Variants in GPR139 observed in about 807,000 individuals in gnomAD.
GPR139 encodes probable G protein-coupled receptor 139.
In GPR139, 12 loss-of-function variants were observed where a neutral mutation model predicts 25.8. That is an observed-to-expected ratio of 0.47 (90% CI 0.30 to 0.75). The LOEUF (loss-of-function observed/expected upper bound fraction) is 0.75, where lower values mean the gene tolerates loss of function less well. Among genes scored for constraint, GPR139 ranks in the 30% least tolerant of loss-of-function variants. The pLI is 0.07. For missense variants in GPR139, 380 were observed against 450.2 expected (o/e 0.84, Z 1.41); for synonymous variants, 184 against 179.9 (o/e 1.02, Z -0.18).
intron 1 of GPR139, among the ~76,000 whole-genome samples, chr16:20,041,782 C>T (rs902101724): frequency 6.6e-6 from 1 of 152,160 alleles, no homozygotes; most frequent in Non-Finnish European, 1.5e-5. Flanking sequence ...CCTCTTGCCC[C>T]AAGGCAGAAA....
At chr16:20,033,538 G>A (rs1258242840) in intron 1 of GPR139, among the ~76,000 whole-genome samples, 5 of 152,114 alleles carry the variant, frequency 3.3e-5, no homozygotes, top group Admixed American at 1.3e-4. Context: ...GGAAAGAGAC[G>A]GGACTATATA....
At chr16:20,068,700 A>G (rs1380769348) in intron 1 of GPR139, among the ~76,000 whole-genome samples, 1 of 152,320 alleles carries the variant, frequency 6.6e-6, no homozygotes, top group East Asian at 1.9e-4. Context: ...GATCTTAGGG[A>G]AAAAGCATTC....
Position 20,070,978 on chromosome 16 carries a change from A to C in GPR139, c.127+2512T>G, listed in dbSNP as rs1469528688. On this transcript the variant is annotated intron_variant, in intron 1 of 1. Transcript: ENST00000570682. ...CCTCCTCTGGTCACTGGTGGGGCTG[A>C]GCAAGCAGACCGCCCTCCTTACAAC... 3.0e-6 allele frequency: 3 copies of C among 985,418 alleles called. No homozygotes were observed. In the African/African-American group the frequency reaches 5.2e-5, roughly 17 times the overall value. 61.0% of individuals were successfully genotyped at this position (985,418 alleles called of 1,614,324 possible). A position where few individuals can be genotyped will look rare whatever the true frequency, so the allele number is the denominator to read the frequency against.
chr16:20,052,886 A>C (rs570333916), intron 1 of GPR139, among the ~76,000 whole-genome samples: 6 of 152,182 alleles, frequency 3.9e-5, no homozygotes, highest in Admixed American at 3.9e-4. Context: ...GTTCCAGAGT[A>C]CATGTGCAGG....
rs71146300 is a variant in GPR139 at position 20,073,252 on chromosome 16, T to TCACACA, written c.127+232_127+237dup. ...AGCCCATCGCCCGCCGTCACAGTCA[T>TCACACA]CACACACACACACACACACACACAC... On this transcript the variant is annotated intron_variant, in intron 1 of 1. Coordinates refer to ENST00000570682, the MANE Select transcript of GPR139 (RefSeq NM_001002911.4). The surrounding 1 kb of genome is among the most constrained non-coding windows in gnomAD (Gnocchi z 4.7). 3.1e-3 allele frequency among the ~76,000 whole-genome samples: 457 copies of TCACACA among 147,198 alleles called. 1 individual carries two copies. The highest frequency in any genetic ancestry group is 4.8e-3 in the Non-Finnish European group (323 of 66,634).
intron 1 of GPR139, among the ~76,000 whole-genome samples, chr16:20,060,180 TAA>T (rs909334694): frequency 1.3e-5 from 2 of 152,074 alleles, no homozygotes; most frequent in Non-Finnish European, 2.9e-5. Context: ...GCTGGAATGC[TAA>T]AAGTTAAAAG....
At chr16:20,034,607 A>G (rs2057303572) in intron 1 of GPR139, among the ~76,000 whole-genome samples, 1 of 152,104 alleles carries the variant, frequency 6.6e-6, no homozygotes, top group Non-Finnish European at 1.5e-5. Context: ...AGATGCAATC[A>G]TGGTGCTTTA....
chr16:20,066,603 C>G (rs541757164), intron 1 of GPR139, among the ~76,000 whole-genome samples: 1 of 152,150 alleles, frequency 6.6e-6, no homozygotes, highest in Non-Finnish European at 1.5e-5. Flanking sequence ...GGCTTGAGCA[C>G]GTGGACATGT....
intron 1 of GPR139, among the ~76,000 whole-genome samples, chr16:20,058,417 C>T (rs1384815664): frequency 6.6e-6 from 1 of 151,964 alleles, no homozygotes; most frequent in East Asian, 1.9e-4. Context: ...CAAATTCCTA[C>T]AGGGGCAAGG....
chr16:20,038,866 G>A (rs2057320563), intron 1 of GPR139, among the ~76,000 whole-genome samples: 1 of 152,192 alleles, frequency 6.6e-6, no homozygotes, highest in Admixed American at 6.5e-5. Flanking sequence ...CAAAGGGAAA[G>A]AGTGATGTTG....
Position 20,067,804 on chromosome 16 carries a change from C to CAAAAAAAAAAAAAAAAAAAAA in GPR139, c.127+5685_127+5686insTTTTTTTTTTTTTTTTTTTTT, listed in dbSNP as rs35387821. Among the ~76,000 whole-genome samples, 2 of 68,686 alleles carry CAAAAAAAAAAAAAAAAAAAAA rather than the reference C, an allele frequency of 2.9e-5. 1 individual carries two copies. Among genetic ancestry groups the CAAAAAAAAAAAAAAAAAAAAA allele is most frequent in the Non-Finnish European group, 5.1e-5 (2 of 39,052 alleles). 45.1% of individuals were successfully genotyped at this position (68,686 alleles called of 152,430 possible). A position where few individuals can be genotyped will look rare whatever the true frequency, so the allele number is the denominator to read the frequency against. ...GGGCAACTAGAGCAAAACTCCATCTCAAAAAAAAAAAAAAAAAAAAGCATT... is the reference window on the plus strand; with the variant it reads ...GGGCAACTAGAGCAAAACTCCATCTCAAAAAAAAAAAAAAAAAAAAAAAAAAAAAAAAAAAAAAAAAGCATT... On this transcript the variant is annotated intron_variant, in intron 1 of 1. Coordinates refer to ENST00000570682, the MANE Select transcript of GPR139 (RefSeq NM_001002911.4).
intron 1 of GPR139, among the ~76,000 whole-genome samples, chr16:20,068,707 A>G (rs568564733): frequency 6.2e-4 from 94 of 152,312 alleles, no homozygotes; most frequent in Non-Finnish European, 1.1e-3. Flanking sequence ...GGGAAAAAGC[A>G]TTCAGTTTTT....
chr16:20,036,587 C>G (rs1292543818), intron 1 of GPR139, among the ~76,000 whole-genome samples: 1 of 152,128 alleles, frequency 6.6e-6, no homozygotes. Flanking sequence ...GGGGAACTCC[C>G]CTTTATAAAA....
intron 1 of GPR139, among the ~76,000 whole-genome samples, chr16:20,041,137 A>G (rs1175212793): frequency 1.9e-3 from 1 of 520 alleles, no homozygotes; most frequent in East Asian, 7.4e-3. Context: ...AAAGGAGAGG[A>G]GAGGAGAGGA....
intron 1 of GPR139, among the ~76,000 whole-genome samples, chr16:20,050,105 A>C (rs1596467857): frequency 6.6e-6 from 1 of 152,220 alleles, no homozygotes; most frequent in Non-Finnish European, 1.5e-5. Context: ...ATAGATACTC[A>C]GAGAGAAGCT....
chr16:20,042,579 T>C (rs1048413240), intron 1 of GPR139, among the ~76,000 whole-genome samples: 1 of 152,182 alleles, frequency 6.6e-6, no homozygotes, highest in Non-Finnish European at 1.5e-5. Flanking sequence ...AAACCCATTA[T>C]TGCATGATGA....
chr16:20,033,287 C>T (rs2057298302), intron 1 of GPR139, among the ~76,000 whole-genome samples: 1 of 151,886 alleles, frequency 6.6e-6, no homozygotes, highest in Non-Finnish European at 1.5e-5. Flanking sequence ...TGCCATTATC[C>T]TCATCTTAGG....
rs142631356 is a variant in GPR139, at chr16:20,071,830, GT to G, written c.127+1659del. ...TCAACCTCTGCTTGTCTTTGTCTCT[GT>G]CCCTTAAATGGTTTCATTAGAAAAG... On this transcript the variant is annotated intron_variant, in intron 1 of 1. Coordinates refer to ENST00000570682, the MANE Select transcript of GPR139 (RefSeq NM_001002911.4). Among the ~76,000 whole-genome samples the G allele has an allele frequency of 5.7e-3, 860 of 152,156 alleles. 5 individuals are homozygous for G. Among genetic ancestry groups the G allele is most frequent in the African/African-American group, 0.02 (841 of 41,518 alleles).
Position 20,030,880 on chromosome 16 carries a change from A to G in GPR139, c.*855T>C, listed in dbSNP as rs1222696247. ...TTCTCTAGGAAGCTGGAGTGATACC[A>G]TAACAAGAAGCAATTTTGAGTAACG... On this transcript the variant is annotated 3_prime_UTR_variant, in exon 2 of 2. Transcript: ENST00000570682. 6.6e-6 allele frequency among the ~76,000 whole-genome samples: 1 copy of G among 152,226 alleles called. No homozygotes were observed. The highest frequency in any genetic ancestry group is 6.5e-5 in the Admixed American group (1 of 15,290).
Sources: allele counts gnomAD v4.1 joint callset (sites outside exome capture counted in the v4.1 genomes callset), GRCh38; gene constraint gnomAD v4.1.1; non-coding constraint Gnocchi (gnomAD v3.1); transcripts MANE v1.5; gene names NCBI Gene and HGNC (gene_info 2026-07-23, HGNC 2026-07-21).